PLCB1: variants seen among roughly 807,000 people sequenced by gnomAD.
PLCB1 encodes the protein phospholipase C beta 1.
In PLCB1, 46 loss-of-function variants were observed where a neutral mutation model predicts 161.8. The ratio of observed to expected loss-of-function variants is 0.28; its 90% CI spans 0.22 to 0.36. PLCB1 has a LOEUF of 0.36. Among genes scored for constraint, PLCB1 ranks in the 10% least tolerant of loss-of-function variants. The pLI is 1.00. For missense variants in PLCB1, 1,016 were observed against 1,472.5 expected (o/e 0.69, Z 5.07); for synonymous variants, 517 against 503.7 (o/e 1.03, Z -0.35).
intron 1 of PLCB1, among the ~76,000 whole-genome samples, chr20:8,148,219 G>A (rs2051474421): frequency 6.6e-6 from 1 of 152,194 alleles, no homozygotes; most frequent in Non-Finnish European, 1.5e-5. Context: ...ACTTCTAGAA[G>A]TAACAAAACA....
intron 30 of PLCB1, 25 bp from the exon 31 acceptor site, chr20:8,790,150 A>G (rs754196843): frequency 1.3e-6 from 2 of 1,526,970 alleles, no homozygotes; most frequent in Non-Finnish European, 1.8e-6. Flanking sequence ...AGATGAAAGT[A>G]ATGTTTCTTG....
chr20:8,273,014 A>G (rs930865844), intron 2 of PLCB1, among the ~76,000 whole-genome samples: 1 of 152,192 alleles, frequency 6.6e-6, no homozygotes, highest in Admixed American at 6.6e-5. Context: ...AAAGGAGAGC[A>G]AATAAAAGTA....
intron 31 of PLCB1, among the ~76,000 whole-genome samples, chr20:8,877,029 G>T (rs1321937570): frequency 2.7e-5 from 4 of 149,206 alleles, no homozygotes; most frequent in African/African-American, 1.0e-4. Flanking sequence ...CACCACAAAG[G>T]TTATGATTAC....
intron 14 of PLCB1, among the ~76,000 whole-genome samples, chr20:8,719,924 T>C (rs1340742078): frequency 2.0e-5 from 3 of 152,238 alleles, no homozygotes; most frequent in Non-Finnish European, 4.4e-5. Context: ...TTGCCTGTTT[T>C]TTTATTGTTT....
intron 31 of PLCB1, among the ~76,000 whole-genome samples, chr20:8,843,922 C>T (rs1468484091): frequency 1.3e-5 from 2 of 152,278 alleles, no homozygotes; most frequent in East Asian, 3.9e-4. Context: ...GCATCCTTTG[C>T]CGAGGCTACT....
chr20:8,158,157 T>G (rs1270386586), intron 2 of PLCB1, among the ~76,000 whole-genome samples: 1 of 152,240 alleles, frequency 6.6e-6, no homozygotes, highest in African/African-American at 2.4e-5. Context: ...GCATTCTGCA[T>G]ATTGTTCATA....
Position 8,684,925 on chromosome 20 carries a change from C to T in PLCB1, c.863-7C>T. 1 of 1,608,072 alleles carries T rather than the reference C, an allele frequency of 6.2e-7. No individual in the cohort carries two copies. The highest frequency in any genetic ancestry group is 1.1e-5 in the South Asian group (1 of 90,428). ...ATTCACATCCTTTCTAACTTCATTT[C>T]CTCCAGGACAAATATCAGTGGATGG... On this transcript the variant is annotated splice_region_variant and splice_polypyrimidine_tract_variant and intron_variant, in intron 9 of 31. Transcript: ENST00000338037.
chr20:8,281,864 G>A (rs1397597693), intron 2 of PLCB1, among the ~76,000 whole-genome samples: 1 of 151,982 alleles, frequency 6.6e-6, no homozygotes, highest in Non-Finnish European at 1.5e-5. Context: ...TAACTCAATT[G>A]TAGGGAGGTT....
chr20:8,322,301 T>C (rs1283333411), intron 2 of PLCB1, among the ~76,000 whole-genome samples: 2 of 152,122 alleles, frequency 1.3e-5, no homozygotes, highest in Non-Finnish European at 2.9e-5. Flanking sequence ...ATTACAAAAA[T>C]TAAATTACTG....
chr20:8,227,661 C>G (rs1440866799), intron 2 of PLCB1, among the ~76,000 whole-genome samples: 1 of 152,178 alleles, frequency 6.6e-6, no homozygotes, highest in East Asian at 1.9e-4. Flanking sequence ...AACAGCCACG[C>G]TTTAAAAATA....
chr20:8,702,896 G>T (rs914238107), intron 11 of PLCB1, among the ~76,000 whole-genome samples: 2 of 152,200 alleles, frequency 1.3e-5, no homozygotes, highest in Admixed American at 6.5e-5. Context: ...GAAGTTTTCA[G>T]TTGCTCCCAA....
rs190800386 is a variant in PLCB1 at position 8,544,883 on chromosome 20, G to A, written c.247-83411G>A. 3.5e-4 allele frequency among the ~76,000 whole-genome samples: 46 copies of A among 132,254 alleles called. 1 individual carries two copies. The East Asian group carries it at 4.3e-3, about 12-fold the overall frequency. The allele number at this position is 132,254 out of a possible 152,430, so 86.8% of individuals were successfully genotyped here. On this transcript the variant is annotated intron_variant, in intron 3 of 31. Coordinates refer to ENST00000338037, the MANE Select transcript of PLCB1 (RefSeq NM_015192.4). ...AGAAATGTCTGATTTGTAAAGAGAG[G>A]GTATCTGTAACAAAATTGAAAGTCA...
intron 9 of PLCB1, among the ~76,000 whole-genome samples, chr20:8,680,687 C>A (rs551913789): frequency 1.3e-5 from 2 of 152,188 alleles, no homozygotes; most frequent in South Asian, 4.1e-4. Flanking sequence ...CAAACTCAAT[C>A]TTTGTTCTTA....
chr20:8,374,313 C>T (rs867754781), intron 3 of PLCB1, among the ~76,000 whole-genome samples: 1 of 152,320 alleles, frequency 6.6e-6, no homozygotes, highest in Non-Finnish European at 1.5e-5. Context: ...GCCTCCCCGT[C>T]GTCTTCCAGC....
intron 25 of PLCB1, among the ~76,000 whole-genome samples, chr20:8,763,780 A>G (rs1451788164): frequency 1.3e-5 from 2 of 152,070 alleles, no homozygotes; most frequent in Non-Finnish European, 2.9e-5. Flanking sequence ...CGGCCTCCCA[A>G]AGTGCTGGGA....
At chr20:8,392,336 T>C (rs991711376) in intron 3 of PLCB1, among the ~76,000 whole-genome samples, 1 of 152,118 alleles carries the variant, frequency 6.6e-6, no homozygotes, top group Non-Finnish European at 1.5e-5. Context: ...TACGCCTTGA[T>C]TTTGAGCCTC....
At chr20:8,403,631 G>C (rs186262375) in intron 3 of PLCB1, among the ~76,000 whole-genome samples, 44 of 151,734 alleles carry the variant, frequency 2.9e-4, no homozygotes, top group Admixed American at 2.8e-3. Flanking sequence ...GTAGTGACAC[G>C]TACCTGTAGT....
At chr20:8,547,639 C>T (rs1985604696) in intron 3 of PLCB1, among the ~76,000 whole-genome samples, 1 of 152,160 alleles carries the variant, frequency 6.6e-6, no homozygotes, top group Non-Finnish European at 1.5e-5. Flanking sequence ...TTCTCAACTA[C>T]CCCACTTGTC....
rs990273724 is a variant in PLCB1, at chr20:8,410,726, T to C, written c.246+39276T>C. 4.6e-5 allele frequency among the ~76,000 whole-genome samples: 7 copies of C among 152,170 alleles called. 1 individual carries two copies. The highest frequency in any genetic ancestry group is 2.1e-4 in the South Asian group (1 of 4,832). ...TGTCCTAATTCTCAGAACCTATGAA[T>C]GACACCTTATTTGGAAAAAGGCTCC... is the stretch of plus-strand genomic sequence containing the variant. On this transcript the variant is annotated intron_variant, in intron 3 of 31. Transcript: ENST00000338037.
Sources: gnomAD v4.1 joint callset for allele counts (sites outside exome capture counted in the v4.1 genomes callset) on GRCh38, gnomAD v4.1.1 for gene constraint, MANE v1.5 for transcripts, NCBI Gene and HGNC (gene_info 2026-07-23, HGNC 2026-07-21) for gene names.